The following SLC24A2 variants were observed in gnomAD, a reference collection of about 807,000 sequenced individuals.
The protein encoded by SLC24A2 is solute carrier family 24 member 2, also known as sodium/potassium/calcium exchanger 2.
In SLC24A2, 36 loss-of-function variants were observed where a neutral mutation model predicts 62.0. That is an observed-to-expected ratio of 0.58 (90% CI 0.44 to 0.77). The LOEUF is 0.77. SLC24A2 is among the 30% of genes least tolerant of loss of function. The pLI is 0.00. For synonymous variants in SLC24A2, 358 were observed against 294.0 expected, an observed-to-expected ratio of 1.22 and a Z score of -2.23; for missense variants, 846 against 817.9, an observed-to-expected ratio of 1.03 and a Z score of -0.42.
chr9:20,002,835 G>C, the SLC24A2 span, among the ~76,000 whole-genome samples: 1 of 152,214 alleles, frequency 6.6e-6, no homozygotes, highest in Non-Finnish European at 1.5e-5. Flanking sequence ...AGGGCTGGCT[G>C]TATTCCACAT....
At chr9:20,299,010 C>T in the SLC24A2 span, among the ~76,000 whole-genome samples, 1 of 152,008 alleles carries the variant, frequency 6.6e-6, no homozygotes, top group Non-Finnish European at 1.5e-5. Context: ...GTTTGGGGGT[C>T]GGGATGTATA....
At chr9:19,529,401 T>A (rs768948658) in intron 8 of SLC24A2, among the ~76,000 whole-genome samples, 2 of 152,198 alleles carry the variant, frequency 1.3e-5, no homozygotes, top group Admixed American at 6.5e-5. Flanking sequence ...ACCAGGCTTA[T>A]GTTTTCTTTA....
intron 8 of SLC24A2, among the ~76,000 whole-genome samples, chr9:19,535,620 C>T (rs1014669822): frequency 2.2e-4 from 34 of 152,148 alleles, no homozygotes; most frequent in African/African-American, 7.7e-4. Flanking sequence ...ATCCTTTCCC[C>T]ATTTCTTGTT....
At chr9:19,772,854 G>T (rs988416806) in intron 2 of SLC24A2, among the ~76,000 whole-genome samples, 2 of 152,088 alleles carry the variant, frequency 1.3e-5, no homozygotes, top group African/African-American at 4.8e-5. Context: ...ATGCCAAAGA[G>T]AACTAAAAAC....
chr9:20,007,980 C>G, the SLC24A2 span, among the ~76,000 whole-genome samples: 1 of 141,800 alleles, frequency 7.1e-6, no homozygotes, highest in African/African-American at 2.7e-5. Context: ...ACTGCAATAC[C>G]CACCTCCTGG....
chr9:20,127,113 T>G, the SLC24A2 span, among the ~76,000 whole-genome samples: 1 of 152,086 alleles, frequency 6.6e-6, no homozygotes, highest in Non-Finnish European at 1.5e-5. Context: ...TTTAAAAATA[T>G]TTTTGCTTTG....
the SLC24A2 span, among the ~76,000 whole-genome samples, chr9:20,247,970 A>G: frequency 3.3e-5 from 5 of 152,218 alleles, no homozygotes; most frequent in Admixed American, 2.6e-4. Flanking sequence ...GAGCATATGG[A>G]ATGCCCTCAA....
At chr9:20,062,802 G>A in the SLC24A2 span, among the ~76,000 whole-genome samples, 13 of 129,542 alleles carry the variant, frequency 1.0e-4, no homozygotes, top group East Asian at 5.5e-4. Flanking sequence ...CAAGAAAAAA[G>A]CAAACAACCC....
chr9:19,948,840 G>A, the SLC24A2 span, among the ~76,000 whole-genome samples: 4 of 56,868 alleles, frequency 7.0e-5, no homozygotes, highest in South Asian at 1.4e-3. Flanking sequence ...ACGAGACTCC[G>A]TCTCAAAAAA....
At chr9:19,992,369 T>G in the SLC24A2 span, among the ~76,000 whole-genome samples, 11 of 152,198 alleles carry the variant, frequency 7.2e-5, no homozygotes, top group Non-Finnish European at 1.2e-4. Flanking sequence ...GTGTTGCTTA[T>G]TGAAGATATT....
the SLC24A2 span, among the ~76,000 whole-genome samples, chr9:20,274,894 C>T: frequency 2.0e-5 from 3 of 152,182 alleles, no homozygotes; most frequent in East Asian, 5.8e-4. Flanking sequence ...AGTCACTGTG[C>T]CTCTCCCAGC....
At chr9:19,961,920 C>G in the SLC24A2 span, among the ~76,000 whole-genome samples, 1 of 152,204 alleles carries the variant, frequency 6.6e-6, no homozygotes, top group Non-Finnish European at 1.5e-5. Context: ...CCAACAGATA[C>G]CCTGAACCAG....
At chr9:19,562,359 C>A (rs1835446540) in intron 7 of SLC24A2, among the ~76,000 whole-genome samples, 1 of 152,004 alleles carries the variant, frequency 6.6e-6, no homozygotes, top group African/African-American at 2.4e-5. Context: ...TTATTAATAG[C>A]CCTTAATGTA....
intron 2 of SLC24A2, among the ~76,000 whole-genome samples, chr9:19,648,453 G>A (rs865847424): frequency 6.6e-6 from 1 of 152,106 alleles, no homozygotes; most frequent in South Asian, 2.1e-4. Context: ...AAACACAAGA[G>A]AAAAAGTTGA....
Position 19,786,312 on chromosome 9 carries a change from T to A in SLC24A2, c.555A>T (p.Ser185=). The A allele has an allele frequency of 1.2e-6, 2 of 1,614,204 alleles. No homozygotes were observed. Among genetic ancestry groups the A allele is most frequent in the Non-Finnish European group, 1.7e-6 (2 of 1,180,034 alleles). The change falls in exon 2 of 11, where the codon TCA becomes TCT. Residue 185 remains serine (S), a synonymous_variant. Coordinates refer to ENST00000341998, the MANE Select transcript of SLC24A2 (RefSeq NM_020344.4). This position sits in a 1 kb window ranked among gnomAD's most constrained non-coding sequence, Gnocchi z 5.0. The part of the protein sequence containing the change: ...AGATFMAAGG[S]APELFTSLIG... Reference sequence around the variant, plus strand: ...TGAGAGATGTGAAAAGTTCTGGGGCTGACCCTCCTGCAGCCATGAAGGTGG... The same window carrying A: ...TGAGAGATGTGAAAAGTTCTGGGGCAGACCCTCCTGCAGCCATGAAGGTGG...
chr9:19,696,528 G>A (rs1052163244), intron 2 of SLC24A2, among the ~76,000 whole-genome samples: 1 of 152,134 alleles, frequency 6.6e-6, no homozygotes, highest in African/African-American at 2.4e-5. Flanking sequence ...ACTGGGATGT[G>A]TATTCAGAGA....
chr9:19,579,822 A>C (rs1001512727), intron 5 of SLC24A2, among the ~76,000 whole-genome samples: 3 of 152,108 alleles, frequency 2.0e-5, no homozygotes, highest in Admixed American at 6.5e-5. Context: ...TGCCAGAGAG[A>C]AATGGTAATA....
chr9:20,136,150 T>A, the SLC24A2 span, among the ~76,000 whole-genome samples: 1 of 152,166 alleles, frequency 6.6e-6, no homozygotes, highest in Non-Finnish European at 1.5e-5. Context: ...TAACGCTGGT[T>A]AGTTACAGAG....
chr9:20,305,433 A>T, the SLC24A2 span, among the ~76,000 whole-genome samples: 16 of 152,218 alleles, frequency 1.1e-4, no homozygotes, highest in African/African-American at 3.6e-4. Flanking sequence ...GTTACCAAGG[A>T]GTCAGTGTAG....
Sources: gnomAD v4.1 joint callset for allele counts (sites outside exome capture counted in the v4.1 genomes callset) on GRCh38, gnomAD v4.1.1 for gene constraint, Gnocchi (gnomAD v3.1) non-coding constraint, MANE v1.5 for transcripts, NCBI Gene and HGNC (gene_info 2026-07-23, HGNC 2026-07-21) for gene names.